The following RAB7A variants were observed in gnomAD, a reference collection of about 807,000 sequenced individuals.
RAB7A encodes the protein ras-related protein Rab-7a.
Under a neutral mutation model 24.5 loss-of-function variants are expected in RAB7A, and 2 were observed. That is an observed-to-expected ratio of 0.08 (90% CI 0.03 to 0.26). The LOEUF is 0.26. Ranked by LOEUF, RAB7A falls within the 10% of genes least tolerant of loss-of-function variation. RAB7A has a pLI of 1.00. For missense variants in RAB7A, 118 were observed against 255.7 expected (o/e 0.46, Z 3.67); for synonymous variants, 100 against 95.9 (o/e 1.04, Z -0.25).
intron 1 of RAB7A, among the ~76,000 whole-genome samples, chr3:128,770,162 C>G (rs1042828565): frequency 6.6e-6 from 1 of 152,062 alleles, no homozygotes; most frequent in African/African-American, 2.4e-5. Flanking sequence ...GCCACCACAC[C>G]CAGCTAATTT....
intron 1 of RAB7A, among the ~76,000 whole-genome samples, chr3:128,742,258 G>C (rs559278096): frequency 6.6e-6 from 1 of 152,114 alleles, no homozygotes; most frequent in African/African-American, 2.4e-5. Context: ...GGCTTCAGGA[G>C]TGAAGCTGCA....
At chr3:128,808,759 C>G (rs1278866786) in intron 5 of RAB7A, among the ~76,000 whole-genome samples, 1 of 152,118 alleles carries the variant, frequency 6.6e-6, no homozygotes, top group Non-Finnish European at 1.5e-5. Context: ...GCATAGAACA[C>G]TTGAAGCACA....
intron 1 of RAB7A, among the ~76,000 whole-genome samples, chr3:128,745,164 G>A (rs763836962): frequency 6.6e-6 from 1 of 151,666 alleles, no homozygotes; most frequent in African/African-American, 2.4e-5. Context: ...GTGAGCTGCC[G>A]CGCCCGGCTG....
chr3:128,787,182 G>T (rs1933358091), intron 1 of RAB7A, among the ~76,000 whole-genome samples: 1 of 152,172 alleles, frequency 6.6e-6, no homozygotes, highest in African/African-American at 2.4e-5. Context: ...ACTGTGATTA[G>T]GACCCAGTTG....
chr3:128,786,123 T>C (rs1241564546), intron 1 of RAB7A, among the ~76,000 whole-genome samples: 1 of 152,222 alleles, frequency 6.6e-6, no homozygotes, highest in African/African-American at 2.4e-5. Flanking sequence ...TTTTTCTTCA[T>C]CTGTTAAATG....
chr3:128,743,444 G>A lies in RAB7A; in HGVS notation c.-9+17085G>A, dbSNP rs376061608. Among the ~76,000 whole-genome samples the A allele has an allele frequency of 1.1e-4, 17 of 152,370 alleles. 1 individual carries two copies. The highest frequency in any genetic ancestry group is 3.3e-4 in the Admixed American group (5 of 15,306). On this transcript the variant is annotated intron_variant, in intron 1 of 5. Transcript: ENST00000265062. ...CGCCGAGGCCGAGGAGGTGCTGAGA[G>A]CGAGCAAGGGCCACCAGCATGTTGT...
At chr3:128,744,870 C>A (rs7643848) in intron 1 of RAB7A, among the ~76,000 whole-genome samples, 5,738 of 147,318 alleles carry the variant, frequency 0.039, 200 homozygotes, top group South Asian at 0.13. Context: ...TTCTTTTTTT[C>A]TTTTTCTTTT....
intron 1 of RAB7A, chr3:128,748,421 T>G (rs546141181): frequency 2.0e-5 from 3 of 152,260 alleles, no homozygotes; most frequent in Non-Finnish European, 2.9e-5. Flanking sequence ...TAGCTTAGAC[T>G]CCTCCTCTTT....
At chr3:128,810,658 GGTCCCC>G (rs1933904317) in intron 5 of RAB7A, among the ~76,000 whole-genome samples, 1 of 152,126 alleles carries the variant, frequency 6.6e-6, no homozygotes, top group Non-Finnish European at 1.5e-5. Context: ...TCTCAGATCA[GGTCCCC>G]ATCCTGCAAC....
intron 5 of RAB7A, among the ~76,000 whole-genome samples, chr3:128,808,965 C>G (rs1933861007): frequency 6.6e-6 from 1 of 152,068 alleles, no homozygotes; most frequent in Admixed American, 6.5e-5. Context: ...ATTGTTCCAC[C>G]CAGAATGCCA....
At chr3:128,795,303 T>G (rs1576298650) in intron 1 of RAB7A, 57 bp from the exon 2 acceptor site, 1 of 1,388,960 alleles carries the variant, frequency 7.2e-7, no homozygotes, top group Non-Finnish European at 1.0e-6. Flanking sequence ...GCAAGGGAGG[T>G]GTTTTGTTTT....
intron 1 of RAB7A, among the ~76,000 whole-genome samples, chr3:128,791,957 G>A (rs574158859): frequency 6.6e-6 from 1 of 152,210 alleles, no homozygotes; most frequent in African/African-American, 2.4e-5. Flanking sequence ...AATCTTACGA[G>A]TCAGAATCTA....
At chr3:128,742,019 C>T (rs542821805) in intron 1 of RAB7A, among the ~76,000 whole-genome samples, 45 of 152,164 alleles carry the variant, frequency 3.0e-4, no homozygotes, top group African/African-American at 8.9e-4. Flanking sequence ...CAGACCCTAG[C>T]GGTGAGTGTT....
At chr3:128,742,737 A>G (rs2070567088) in intron 1 of RAB7A, among the ~76,000 whole-genome samples, 1 of 152,008 alleles carries the variant, frequency 6.6e-6, no homozygotes, top group African/African-American at 2.4e-5. Flanking sequence ...TTAGCTAGAC[A>G]TAAAGGTTCT....
intron 1 of RAB7A, among the ~76,000 whole-genome samples, chr3:128,774,451 G>T (rs1016693702): frequency 6.6e-6 from 1 of 151,764 alleles, no homozygotes; most frequent in East Asian, 1.9e-4. Flanking sequence ...GAACTGAAAG[G>T]CTCTTGGATC....
At position 128,813,223 on chromosome 3, in the gene RAB7A, T is replaced by G. The variant is rs774096276; in HGVS notation, c.529-104T>G. On this transcript the variant is annotated intron_variant, in intron 5 of 5. Coordinates refer to ENST00000265062, the MANE Select transcript of RAB7A (RefSeq NM_004637.6). ...CTGCTTCACAGCTCCCCGCCCACTCTGCCCAAGCAGAAGTGAGCCCCTCCT... is the reference window on the plus strand; with the variant it reads ...CTGCTTCACAGCTCCCCGCCCACTCGGCCCAAGCAGAAGTGAGCCCCTCCT... The G allele has an allele frequency of 3.7e-6, 4 of 1,083,990 alleles. No individual in the cohort carries two copies. In the African/African-American group the frequency reaches 6.2e-5, roughly 17 times the overall value. 67.1% of individuals were successfully genotyped at this position (1,083,990 alleles called of 1,614,324 possible).
intron 1 of RAB7A, among the ~76,000 whole-genome samples, chr3:128,771,654 A>C (rs1932936743): frequency 1.3e-5 from 2 of 152,236 alleles, no homozygotes; most frequent in African/African-American, 4.8e-5. Flanking sequence ...AGGCCAGATA[A>C]CTGAACTTTT....
rs138734603 is a variant in RAB7A, at chr3:128,798,163, C to G, written c.180+94C>G. The G allele has an allele frequency of 4.1e-5, 61 of 1,485,390 alleles. No individual in the cohort carries two copies. The African/African-American group carries it at 7.9e-4, about 19-fold the overall frequency. The allele number at this position is 1,485,390 out of a possible 1,614,324, so 92.0% of individuals were successfully genotyped here. A position where few individuals can be genotyped will look rare whatever the true frequency, so the allele number is the denominator to read the frequency against. Reference sequence around the variant, plus strand: ...ATAGACATTTTCCTTCCCTGTTCTTCAAATCTTATTATCTTATTTGTAGAT... The same window carrying G: ...ATAGACATTTTCCTTCCCTGTTCTTGAAATCTTATTATCTTATTTGTAGAT... On this transcript the variant is annotated intron_variant, in intron 3 of 5. Transcript: ENST00000265062.
At chr3:128,767,024 T>C (rs1198871719) in intron 1 of RAB7A, among the ~76,000 whole-genome samples, 1 of 152,182 alleles carries the variant, frequency 6.6e-6, no homozygotes, top group Non-Finnish European at 1.5e-5. Flanking sequence ...CTTCTTTCTT[T>C]TGACCATCAC....
Sources: allele counts gnomAD v4.1 joint callset (sites outside exome capture counted in the v4.1 genomes callset), GRCh38; gene constraint gnomAD v4.1.1; transcripts MANE v1.5; gene names NCBI Gene and HGNC (gene_info 2026-07-23, HGNC 2026-07-21).